Variants in MMP20 observed in about 807,000 individuals in gnomAD.
The protein encoded by MMP20 is matrix metallopeptidase 20.
In MMP20, 50 loss-of-function variants were observed where a neutral mutation model predicts 51.8. The ratio of observed to expected loss-of-function variants is 0.97; its 90% CI spans 0.77 to 1.22. MMP20 has a LOEUF of 1.22. Among genes scored for constraint, MMP20 ranks in the 50% most tolerant of loss-of-function variants. The pLI is 0.00. For synonymous variants in MMP20, 244 were observed against 216.2 expected, an observed-to-expected ratio of 1.13 and a Z score of -1.13; for missense variants, 663 against 601.4, an observed-to-expected ratio of 1.10 and a Z score of -1.07.
intron 1 of MMP20, among the ~76,000 whole-genome samples, 183 bp from the exon 2 acceptor site, chr11:102,617,242 G>T (rs1859686705): frequency 6.6e-6 from 1 of 152,188 alleles, no homozygotes; most frequent in African/African-American, 2.4e-5. Flanking sequence ...TATTAACGAT[G>T]ATTGGTTTTG....
chr11:102,577,162 A>T lies in MMP20; in HGVS notation c.*164T>A, dbSNP rs1859135209. Reference sequence around the variant, plus strand: ...TAATGTGGATTGAAATTCTGATTATACAACTATGAAAAAAATTGGAAGTAT... The same window carrying T: ...TAATGTGGATTGAAATTCTGATTATTCAACTATGAAAAAAATTGGAAGTAT... On this transcript the variant is annotated 3_prime_UTR_variant, in exon 10 of 10. Transcript: ENST00000260228. 3.2e-6 allele frequency: 2 copies of T among 617,738 alleles called. No individual in the cohort carries two copies. The highest frequency in any genetic ancestry group is 3.8e-5 in the South Asian group (2 of 52,662). 38.3% of individuals were successfully genotyped at this position (617,738 alleles called of 1,614,324 possible). A position where few individuals can be genotyped will look rare whatever the true frequency, so the allele number is the denominator to read the frequency against.
At chr11:102,589,680 C>A (rs1371659098) in intron 8 of MMP20, among the ~76,000 whole-genome samples, 1 of 152,086 alleles carries the variant, frequency 6.6e-6, no homozygotes, top group Non-Finnish European at 1.5e-5. Flanking sequence ...TACTTCTGCC[C>A]ATTCTTAACC....
intron 2 of MMP20, among the ~76,000 whole-genome samples, chr11:102,615,670 C>A (rs1330304969): frequency 6.6e-6 from 1 of 152,186 alleles, no homozygotes; most frequent in East Asian, 1.9e-4. Context: ...CCTGCCATTG[C>A]CCTTCCTGCA....
At chr11:102,594,508 G>C in intron 7 of MMP20, 113 bp downstream of exon 7, 1 of 1,376,594 alleles carries the variant, frequency 7.3e-7, no homozygotes, top group Non-Finnish European at 1.0e-6. Context: ...AGGACAAAGA[G>C]CAACTGAAAT....
intron 5 of MMP20, chr11:102,607,972 T>A (rs766855255): frequency 3.9e-5 from 6 of 152,226 alleles, no homozygotes; most frequent in Non-Finnish European, 8.8e-5. Flanking sequence ...TGGATAGAGC[T>A]GGCTGAAAGC....
chr11:102,592,837 T>C (rs911567860), intron 8 of MMP20, among the ~76,000 whole-genome samples: 2 of 152,186 alleles, frequency 1.3e-5, no homozygotes, highest in African/African-American at 4.8e-5. Context: ...TAAGATAAGG[T>C]GTGACCCTAT....
At chr11:102,618,120 T>C (rs1176577278) in intron 1 of MMP20, among the ~76,000 whole-genome samples, 1 of 152,226 alleles carries the variant, frequency 6.6e-6, no homozygotes, top group Non-Finnish European at 1.5e-5. Context: ...AAATAGTTGT[T>C]ATACTGTATT....
intron 6 of MMP20, among the ~76,000 whole-genome samples, chr11:102,598,597 A>C (rs529372186): frequency 5.9e-5 from 9 of 152,324 alleles, no homozygotes; most frequent in Admixed American, 5.9e-4. Context: ...CACTTTTACC[A>C]AAGAACAGTA....
intron 1 of MMP20, among the ~76,000 whole-genome samples, chr11:102,622,093 T>C (rs1454274882): frequency 6.6e-6 from 1 of 152,206 alleles, no homozygotes; most frequent in Non-Finnish European, 1.5e-5. Flanking sequence ...TCAAAGCATT[T>C]AGGCAAATTA....
chr11:102,625,075 T>C, intron 1 of MMP20, 119 bp downstream of exon 1: 1 of 1,348,496 alleles, frequency 7.4e-7, no homozygotes, highest in Admixed American at 1.7e-5. Flanking sequence ...TAGACTTCAA[T>C]GGACTTATAT....
At chr11:102,592,286 G>T (rs1406920989) in intron 8 of MMP20, among the ~76,000 whole-genome samples, 1 of 152,138 alleles carries the variant, frequency 6.6e-6, no homozygotes, top group Non-Finnish European at 1.5e-5. Flanking sequence ...TGGCCTAGTG[G>T]CTTAAACACT....
At chr11:102,594,074 A>G (rs1859350923) in intron 7 of MMP20, among the ~76,000 whole-genome samples, 1 of 152,240 alleles carries the variant, frequency 6.6e-6, no homozygotes, top group Non-Finnish European at 1.5e-5. Flanking sequence ...TTCAAGGTTT[A>G]TATTGCTATA....
At chr11:102,604,705 A>G (rs1337068738) in intron 6 of MMP20, among the ~76,000 whole-genome samples, 12 of 152,262 alleles carry the variant, frequency 7.9e-5, no homozygotes, top group Non-Finnish European at 1.5e-4. Flanking sequence ...TTTAAAAATT[A>G]GAAATAATCC....
chr11:102,608,905 G>C (rs369831766), intron 5 of MMP20, 32 bp downstream of exon 5: 5 of 1,609,484 alleles, frequency 3.1e-6, no homozygotes, highest in Non-Finnish European at 4.3e-6. Context: ...GCCAATTTCA[G>C]GGTGAGTCAT....
chr11:102,577,530 T>C, intron 9 of MMP20, 104 bp from the exon 10 acceptor site: 2 of 808,988 alleles, frequency 2.5e-6, no homozygotes, highest in South Asian at 1.4e-5. Flanking sequence ...CAAAGAGGAA[T>C]TGTGAATTTG....
intron 1 of MMP20, among the ~76,000 whole-genome samples, chr11:102,618,936 G>T (rs150348560): frequency 0.028 from 4,193 of 152,230 alleles, 65 homozygotes; most frequent in Middle Eastern, 0.061. Context: ...CCCTTCCTGT[G>T]AGAGAAGATC....
At chr11:102,624,387 A>G (rs570427766) in intron 1 of MMP20, among the ~76,000 whole-genome samples, 1 of 123,016 alleles carries the variant, frequency 8.1e-6, no homozygotes, top group Admixed American at 8.1e-5. Flanking sequence ...TTAAAAACAA[A>G]ACACGCTTGG....
intron 8 of MMP20, among the ~76,000 whole-genome samples, chr11:102,579,455 G>A (rs1408393157): frequency 1.3e-5 from 2 of 151,888 alleles, no homozygotes; most frequent in African/African-American, 4.8e-5. Flanking sequence ...TGGGACTACA[G>A]GCATGTACCA....
At chr11:102,607,913 C>G (rs1859540301) in intron 5 of MMP20, 1 of 152,114 alleles carries the variant, frequency 6.6e-6, no homozygotes. Context: ...TGGCATTTTT[C>G]CTGTCCCTCA....
Sources: gnomAD v4.1 joint callset for allele counts (sites outside exome capture counted in the v4.1 genomes callset) on GRCh38, gnomAD v4.1.1 for gene constraint, MANE v1.5 for transcripts, NCBI Gene and HGNC (gene_info 2026-07-23, HGNC 2026-07-21) for gene names.